Variants in CLASP1 observed in about 807,000 individuals in gnomAD.
CLASP1 encodes cytoplasmic linker associated protein 1, also known as CLIP-associating protein 1.
Under a neutral mutation model 192.3 loss-of-function variants are expected in CLASP1, and 38 were observed. That is an observed-to-expected ratio of 0.20 (90% CI 0.15 to 0.26). The LOEUF is 0.26. Ranked by LOEUF, CLASP1 falls within the 10% of genes least tolerant of loss-of-function variation. CLASP1 has a pLI of 1.00. For missense variants in CLASP1, 1,433 were observed against 1,932.5 expected (o/e 0.74, Z 4.85); for synonymous variants, 691 against 712.8 (o/e 0.97, Z 0.49).
chr2:121,563,512 A>C (rs995902950), intron 2 of CLASP1, among the ~76,000 whole-genome samples: 4 of 152,358 alleles, frequency 2.6e-5, no homozygotes, highest in African/African-American at 9.6e-5. Context: ...CGACACACTT[A>C]ATGAATTCTC....
At chr2:121,395,608 A>G (rs991230633) in intron 30 of CLASP1, among the ~76,000 whole-genome samples, 1 of 152,166 alleles carries the variant, frequency 6.6e-6, no homozygotes, top group African/African-American at 2.4e-5. Context: ...CCCTAAACTC[A>G]TCACTTATGC....
intron 22 of CLASP1, among the ~76,000 whole-genome samples, chr2:121,423,237 TTTAA>T (rs750127519): frequency 4.7e-4 from 72 of 152,258 alleles, no homozygotes; most frequent in Non-Finnish European, 8.7e-4. Context: ...AACTGATCCC[TTTAA>T]TTAGCATCAA....
At chr2:121,470,293 CTT>C (rs70954550) in intron 8 of CLASP1, 3,336 of 303,040 alleles carry the variant, frequency 0.011, no homozygotes, top group Middle Eastern at 0.016. Context: ...ACCATCCATG[CTT>C]TTTTTTTTTT....
intron 1 of CLASP1, among the ~76,000 whole-genome samples, chr2:121,618,836 A>G (rs368379506): frequency 6.6e-5 from 10 of 152,238 alleles, no homozygotes; most frequent in African/African-American, 2.2e-4. Flanking sequence ...TCAGGCATAC[A>G]ACAGAAAGAC....
intron 8 of CLASP1, among the ~76,000 whole-genome samples, chr2:121,478,904 AC>A (rs1283269089): frequency 1.1e-3 from 52 of 46,800 alleles, no homozygotes; most frequent in Non-Finnish European, 1.4e-3. Flanking sequence ...CACACACCAC[AC>A]CACACACACC....
intron 1 of CLASP1, among the ~76,000 whole-genome samples, chr2:121,616,189 G>C (rs2066434283): frequency 6.6e-6 from 1 of 152,144 alleles, no homozygotes; most frequent in Non-Finnish European, 1.5e-5. Context: ...GCTCACGCCT[G>C]TAATCTCAAC....
At chr2:121,648,506 T>C (rs987619890) in intron 1 of CLASP1, among the ~76,000 whole-genome samples, 12 of 152,084 alleles carry the variant, frequency 7.9e-5, no homozygotes, top group African/African-American at 2.7e-4. Context: ...TCCACATTAA[T>C]TTTTTTTAAT....
intron 2 of CLASP1, among the ~76,000 whole-genome samples, chr2:121,583,524 C>T (rs1045245565): frequency 6.6e-6 from 1 of 152,212 alleles, no homozygotes; most frequent in Non-Finnish European, 1.5e-5. Context: ...TTCTTTTCTA[C>T]AATCCCCACT....
chr2:121,483,504 ATATG>A (rs965995957), intron 8 of CLASP1, among the ~76,000 whole-genome samples: 6 of 151,638 alleles, frequency 4.0e-5, no homozygotes, highest in Non-Finnish European at 7.4e-5. Context: ...GTGTGTATAT[ATATG>A]TATGTATATA....
chr2:121,641,544 T>C (rs1002265579), intron 1 of CLASP1, among the ~76,000 whole-genome samples: 1 of 152,182 alleles, frequency 6.6e-6, no homozygotes, highest in Non-Finnish European at 1.5e-5. Flanking sequence ...AGAAATGGAA[T>C]AGTTTTGGTC....
rs113345998 is a variant in CLASP1, at chr2:121,563,364, T to C, written c.196-33039A>G. 5.9e-3 allele frequency among the ~76,000 whole-genome samples: 904 copies of C among 152,282 alleles called. 10 individuals carry two copies. Among genetic ancestry groups the C allele is most frequent in the African/African-American group, 0.021 (864 of 41,562 alleles). On this transcript the variant is annotated intron_variant, in intron 2 of 39. Transcript: ENST00000263710. ...GCAACAAGACTTTGTCAAAGGCCAG[T>C]AGCACTTTTAAAGAGGAGGCAGAAA... is the stretch of plus-strand genomic sequence containing the variant.
At chr2:121,512,802 A>G (rs1024210944) in intron 7 of CLASP1, among the ~76,000 whole-genome samples, 1 of 152,220 alleles carries the variant, frequency 6.6e-6, no homozygotes, top group African/African-American at 2.4e-5. Context: ...CATTTTCCTC[A>G]CCACGTATTT....
intron 5 of CLASP1, 38 bp from the exon 6 acceptor site, chr2:121,525,958 TGAGG>T: frequency 6.7e-7 from 1 of 1,501,276 alleles, no homozygotes; most frequent in Non-Finnish European, 9.2e-7. Flanking sequence ...TAGTGAGAAC[TGAGG>T]AAAGAAAGAA....
intron 5 of CLASP1, among the ~76,000 whole-genome samples, 183 bp downstream of exon 5, chr2:121,527,616 T>C (rs1271169974): frequency 6.6e-6 from 1 of 152,174 alleles, no homozygotes; most frequent in African/African-American, 2.4e-5. Context: ...CCATCTCAAC[T>C]TCCTGGTACT....
At chr2:121,356,172 C>T (rs910670856) in intron 37 of CLASP1, among the ~76,000 whole-genome samples, 1 of 151,872 alleles carries the variant, frequency 6.6e-6, no homozygotes, top group Non-Finnish European at 1.5e-5. Context: ...CCAGGAACAA[C>T]AGTGGCTGGA....
chr2:121,470,432 G>T (rs2090509199), intron 8 of CLASP1, among the ~76,000 whole-genome samples: 1 of 149,148 alleles, frequency 6.7e-6, no homozygotes, highest in Admixed American at 6.9e-5. Context: ...TAAACTAACA[G>T]CTGAGATGAG....
intron 38 of CLASP1, among the ~76,000 whole-genome samples, chr2:121,347,705 C>T (rs2063632391): frequency 6.6e-6 from 1 of 152,216 alleles, no homozygotes; most frequent in African/African-American, 2.4e-5. Flanking sequence ...CTGGCCCACA[C>T]CCAGCTGGGG....
chr2:121,517,326 A>C (rs947769820), intron 6 of CLASP1, among the ~76,000 whole-genome samples: 6 of 152,230 alleles, frequency 3.9e-5, no homozygotes, highest in South Asian at 2.1e-4. Context: ...AAGAGAAAAG[A>C]AGCAGGAATA....
intron 1 of CLASP1, among the ~76,000 whole-genome samples, chr2:121,638,071 G>A (rs1315249067): frequency 3.3e-5 from 5 of 151,872 alleles, no homozygotes; most frequent in African/African-American, 1.2e-4. Context: ...TCTGACAAAG[G>A]ACTTGTAACC....
Sources: gnomAD v4.1 joint callset for allele counts (sites outside exome capture counted in the v4.1 genomes callset) on GRCh38, gnomAD v4.1.1 for gene constraint, MANE v1.5 for transcripts, NCBI Gene and HGNC (gene_info 2026-07-23, HGNC 2026-07-21) for gene names.